GULP1: variants seen among roughly 807,000 people sequenced by gnomAD.
GULP1 encodes the protein PTB domain-containing engulfment adapter protein 1.
GULP1 carries 19 observed loss-of-function variants against 40.9 expected under a neutral mutation model. The ratio of observed to expected loss-of-function variants is 0.46; its 90% CI spans 0.32 to 0.68. The LOEUF (loss-of-function observed/expected upper bound fraction) is 0.68. Among genes scored for constraint, GULP1 ranks in the 30% least tolerant of loss-of-function variants. GULP1 has a pLI of 0.03. For missense variants in GULP1, 312 were observed against 362.2 expected, an observed-to-expected ratio of 0.86 and a Z score of 1.12; for synonymous variants, 119 against 117.6, an observed-to-expected ratio of 1.01 and a Z score of -0.08.
At chr2:188,387,502 T>C (rs1039102836) in intron 2 of GULP1, among the ~76,000 whole-genome samples, 1 of 152,194 alleles carries the variant, frequency 6.6e-6, no homozygotes, top group Non-Finnish European at 1.5e-5. Flanking sequence ...TATGTTTAAG[T>C]AGGCTGTATT....
intron 2 of GULP1, among the ~76,000 whole-genome samples, chr2:188,415,514 A>C (rs889309812): frequency 1.6e-4 from 25 of 152,094 alleles, no homozygotes; most frequent in Admixed American, 1.3e-4. Flanking sequence ...AATTAAAAAA[A>C]AAAAAGTAAG....
chr2:188,463,969 T>G (rs956385723), intron 2 of GULP1, among the ~76,000 whole-genome samples: 1 of 152,226 alleles, frequency 6.6e-6, no homozygotes, highest in Non-Finnish European at 1.5e-5. Context: ...ATTCTCTGTC[T>G]GAATTCAAAG....
intron 4 of GULP1, among the ~76,000 whole-genome samples, chr2:188,498,483 A>C (rs908306497): frequency 6.6e-6 from 1 of 151,952 alleles, no homozygotes; most frequent in African/African-American, 2.4e-5. Flanking sequence ...TTAAAAGATG[A>C]ATTTTAAGAG....
chr2:188,396,879 G>A (rs566317466), intron 2 of GULP1, among the ~76,000 whole-genome samples: 30 of 152,284 alleles, frequency 2.0e-4, no homozygotes, highest in Non-Finnish European at 4.1e-4. Context: ...GAATGCACAC[G>A]TCTCTTCCTG....
intron 2 of GULP1, among the ~76,000 whole-genome samples, chr2:188,404,950 C>G (rs1024230901): frequency 6.6e-6 from 1 of 151,938 alleles, no homozygotes; most frequent in East Asian, 1.9e-4. Flanking sequence ...TGCCTGGTGC[C>G]AGGCTGGCCC....
At chr2:188,466,398 C>T (rs944194645) in intron 2 of GULP1, 1 of 151,450 alleles carries the variant, frequency 6.6e-6, no homozygotes, top group African/African-American at 2.4e-5. Context: ...CTGCCTCAGT[C>T]TCCCGAGTAG....
intron 2 of GULP1, among the ~76,000 whole-genome samples, chr2:188,396,473 C>T (rs905352701): frequency 1.3e-5 from 2 of 152,226 alleles, no homozygotes; most frequent in Non-Finnish European, 2.9e-5. Flanking sequence ...ATGTTCCACT[C>T]AGCTCCCCAC....
chr2:188,476,715 T>G (rs911443757), intron 2 of GULP1, among the ~76,000 whole-genome samples: 2 of 152,138 alleles, frequency 1.3e-5, no homozygotes, highest in Non-Finnish European at 2.9e-5. Flanking sequence ...TTCATGAATA[T>G]TCTGTTGCTA....
intron 7 of GULP1, among the ~76,000 whole-genome samples, chr2:188,565,374 A>G (rs992104987): frequency 6.6e-6 from 1 of 152,032 alleles, no homozygotes; most frequent in African/African-American, 2.4e-5. Context: ...AAAAGTGGGC[A>G]GTAGACTTCT....
intron 2 of GULP1, among the ~76,000 whole-genome samples, chr2:188,436,138 C>G (rs546789911): frequency 6.6e-6 from 1 of 152,090 alleles, no homozygotes; most frequent in African/African-American, 2.4e-5. Context: ...GTGTGTACAC[C>G]AGGTGGGCAA....
chr2:188,463,893 G>C (rs1330717783), intron 2 of GULP1, among the ~76,000 whole-genome samples: 5 of 151,922 alleles, frequency 3.3e-5, no homozygotes, highest in African/African-American at 1.2e-4. Context: ...TTATCTGATA[G>C]AATTTTGAAT....
chr2:188,521,599 C>A (rs1480149331), intron 4 of GULP1, among the ~76,000 whole-genome samples: 1 of 152,122 alleles, frequency 6.6e-6, no homozygotes, highest in Non-Finnish European at 1.5e-5. Flanking sequence ...ATAAAACCAT[C>A]AGATCTCATG....
At chr2:188,359,700 G>T (rs2045842953) in intron 1 of GULP1, among the ~76,000 whole-genome samples, 1 of 152,084 alleles carries the variant, frequency 6.6e-6, no homozygotes, top group African/African-American at 2.4e-5. Flanking sequence ...ATTAGTTATT[G>T]CTTTTCTGAG....
chr2:188,461,566 A>G (rs2059709818), intron 2 of GULP1, among the ~76,000 whole-genome samples: 3 of 151,702 alleles, frequency 2.0e-5, no homozygotes. Context: ...TAGCCTCCCA[A>G]AGTGCTGGGA....
At chr2:188,450,217 T>C (rs1246489528) in intron 2 of GULP1, among the ~76,000 whole-genome samples, 2 of 152,296 alleles carry the variant, frequency 1.3e-5, no homozygotes, top group Admixed American at 1.3e-4. Flanking sequence ...CAGAACATGA[T>C]GAAAATAATT....
chr2:188,508,445 G>A (rs1176644234), intron 4 of GULP1, among the ~76,000 whole-genome samples: 1 of 151,996 alleles, frequency 6.6e-6, no homozygotes, highest in Non-Finnish European at 1.5e-5. Flanking sequence ...AGAGAATTAG[G>A]CTGTTTATTA....
At chr2:188,363,096 C>T (rs2046310232) in intron 1 of GULP1, among the ~76,000 whole-genome samples, 1 of 152,162 alleles carries the variant, frequency 6.6e-6, no homozygotes, top group South Asian at 2.1e-4. Context: ...ACTACTTAAT[C>T]TTTATTATCT....
intron 1 of GULP1, among the ~76,000 whole-genome samples, chr2:188,296,273 A>G (rs1263848183): frequency 1.3e-5 from 2 of 152,118 alleles, no homozygotes; most frequent in African/African-American, 4.8e-5. Flanking sequence ...TGGGGATATG[A>G]AATTGAAATC....
intron 1 of GULP1, among the ~76,000 whole-genome samples, chr2:188,362,800 A>G (rs1321153658): frequency 1.3e-5 from 2 of 152,002 alleles, no homozygotes; most frequent in African/African-American, 2.4e-5. Context: ...CATACTGGCC[A>G]AGAGAGTAAA....
Sources: gnomAD v4.1 joint callset for allele counts (sites outside exome capture counted in the v4.1 genomes callset) on GRCh38, gnomAD v4.1.1 for gene constraint, MANE v1.5 for transcripts, NCBI Gene and HGNC (gene_info 2026-07-23, HGNC 2026-07-21) for gene names.